SAXO1: variants seen among roughly 807,000 people sequenced by gnomAD.
The protein encoded by SAXO1 is stabilizer of axonemal microtubules 1.
Under a neutral mutation model 17.5 loss-of-function variants are expected in SAXO1, and 21 were observed. The observed-to-expected ratio is 1.20, with a 90% CI of 0.85 to 1.72. The LOEUF is 1.72. Ranked by LOEUF, SAXO1 falls within the 40% of genes most tolerant of loss-of-function variation. The pLI, the probability that SAXO1 is intolerant of heterozygous loss-of-function variation, is 0.00. For missense variants in SAXO1, 843 were observed against 596.0 expected, an observed-to-expected ratio of 1.41 and a Z score of -4.32; for synonymous variants, 274 against 216.5, an observed-to-expected ratio of 1.27 and a Z score of -2.33.
chr9:18,985,737 A>T (rs1467628232), intron 1 of SAXO1, among the ~76,000 whole-genome samples: 1 of 152,228 alleles, frequency 6.6e-6, no homozygotes, highest in Non-Finnish European at 1.5e-5. Context: ...TCCAAAGGCT[A>T]ATGAGAACAA....
chr9:18,968,481 G>A (rs1266064202), intron 1 of SAXO1, among the ~76,000 whole-genome samples: 2 of 152,086 alleles, frequency 1.3e-5, no homozygotes, highest in African/African-American at 4.8e-5. Context: ...TACACTTGAA[G>A]TTTTTCAAAA....
At position 18,935,808 on chromosome 9, in the gene SAXO1, T is replaced by G. The variant is rs183890433; in HGVS notation, c.421+5829A>C. 5.3e-5 allele frequency among the ~76,000 whole-genome samples: 8 copies of G among 152,266 alleles called. No homozygotes were observed. In the East Asian group the frequency reaches 1.5e-3, roughly 29 times the overall value. On this transcript the variant is annotated intron_variant, in intron 3 of 3. Coordinates refer to ENST00000380534, the MANE Select transcript of SAXO1 (RefSeq NM_153707.4). ...CCATTAAGCTCACTATTGTTTTTAT[T>G]GAAACTCCTGGGGATGCACTCTATT... is the stretch of plus-strand genomic sequence containing the variant.
At chr9:19,031,695 G>C (rs1253081474) in intron 1 of SAXO1, among the ~76,000 whole-genome samples, 1 of 152,230 alleles carries the variant, frequency 6.6e-6, no homozygotes, top group African/African-American at 2.4e-5. Context: ...ATCTAGTTCA[G>C]TGAGTCCCAG....
intron 2 of SAXO1, among the ~76,000 whole-genome samples, chr9:18,945,028 G>C (rs977426283): frequency 2.6e-5 from 4 of 151,946 alleles, no homozygotes; most frequent in African/African-American, 9.7e-5. Flanking sequence ...CATCTCCTAG[G>C]CCATGCTTTT....
chr9:18,997,129 G>C (rs1173886150), intron 1 of SAXO1, among the ~76,000 whole-genome samples: 2 of 152,226 alleles, frequency 1.3e-5, no homozygotes, highest in Admixed American at 6.5e-5. Flanking sequence ...ATGAGCCAAA[G>C]CAGGGCAGGG....
chr9:18,954,248 G>C (rs991199839), intron 1 of SAXO1, among the ~76,000 whole-genome samples: 1 of 152,106 alleles, frequency 6.6e-6, no homozygotes, highest in African/African-American at 2.4e-5. Flanking sequence ...CCTTATGATG[G>C]ATCTCAGAAA....
chr9:19,024,676 C>T (rs1414677764), intron 1 of SAXO1, among the ~76,000 whole-genome samples: 2 of 152,126 alleles, frequency 1.3e-5, no homozygotes, highest in Non-Finnish European at 2.9e-5. Context: ...CTCATCACTT[C>T]TCCATCCTAA....
At chr9:18,970,766 T>C (rs1047657432) in intron 1 of SAXO1, among the ~76,000 whole-genome samples, 1 of 152,196 alleles carries the variant, frequency 6.6e-6, no homozygotes, top group African/African-American at 2.4e-5. Flanking sequence ...ACAAGTATGC[T>C]TTTTATGACA....
intron 1 of SAXO1, among the ~76,000 whole-genome samples, chr9:19,042,283 T>C (rs1462612629): frequency 6.6e-6 from 1 of 152,154 alleles, no homozygotes; most frequent in Non-Finnish European, 1.5e-5. Context: ...ATCCAAATGA[T>C]GGGCAATAAC....
intron 1 of SAXO1, among the ~76,000 whole-genome samples, chr9:18,995,373 C>G (rs1012823479): frequency 6.6e-6 from 1 of 152,154 alleles, no homozygotes; most frequent in Non-Finnish European, 1.5e-5. Flanking sequence ...TTAGGTCAGC[C>G]TCCTAATTTT....
chr9:19,024,210 G>A (rs969942716), intron 1 of SAXO1, among the ~76,000 whole-genome samples: 6 of 151,850 alleles, frequency 4.0e-5, no homozygotes, highest in East Asian at 1.9e-4. Flanking sequence ...CAGACATGAT[G>A]TCTTCCGTGT....
At chr9:18,951,207 G>A (rs1029270003) in intron 1 of SAXO1, among the ~76,000 whole-genome samples, 3 of 152,130 alleles carry the variant, frequency 2.0e-5, no homozygotes, top group African/African-American at 7.2e-5. Context: ...TGTGTAAGCA[G>A]GGAAATATTT....
intron 1 of SAXO1, among the ~76,000 whole-genome samples, chr9:19,025,031 T>A (rs890251475): frequency 2.0e-5 from 3 of 152,198 alleles, no homozygotes; most frequent in African/African-American, 2.4e-5. Flanking sequence ...ATTTGACATA[T>A]ACCCACTTGT....
chr9:18,935,199 C>T (rs1359920108), intron 3 of SAXO1, among the ~76,000 whole-genome samples: 4 of 152,162 alleles, frequency 2.6e-5, no homozygotes, highest in South Asian at 2.1e-4. Context: ...TAGACGTGAG[C>T]CACCTTGCCT....
At chr9:18,970,709 T>C (rs1319374734) in intron 1 of SAXO1, among the ~76,000 whole-genome samples, 1 of 152,138 alleles carries the variant, frequency 6.6e-6, no homozygotes, top group Non-Finnish European at 1.5e-5. Context: ...TTGCATTTCA[T>C]CTCCTTCAAG....
intron 1 of SAXO1, among the ~76,000 whole-genome samples, chr9:18,981,251 A>AC (rs377638772): frequency 6.6e-6 from 1 of 152,012 alleles, no homozygotes; most frequent in Non-Finnish European, 1.5e-5. Flanking sequence ...GCCCCTACCC[A>AC]CCCCCACTCT....
At chr9:19,044,706 C>CA (rs1214458784) in intron 1 of SAXO1, among the ~76,000 whole-genome samples, 3 of 151,240 alleles carry the variant, frequency 2.0e-5, no homozygotes, top group South Asian at 2.1e-4. Flanking sequence ...ACTAAAAATA[C>CA]AAAAAAATTA....
intron 1 of SAXO1, among the ~76,000 whole-genome samples, chr9:19,023,841 G>A (rs532560560): frequency 3.8e-4 from 57 of 150,560 alleles, no homozygotes; most frequent in African/African-American, 1.4e-3. Context: ...GGGAGGAAAG[G>A]AACGAAGGAA....
At chr9:18,947,590 G>C (rs1219208985) in intron 2 of SAXO1, 3 of 152,176 alleles carry the variant, frequency 2.0e-5, no homozygotes, top group Non-Finnish European at 4.4e-5. Flanking sequence ...TAGCGAGCTG[G>C]TTTAGCTAAC....
Sources: gnomAD v4.1 joint callset for allele counts (sites outside exome capture counted in the v4.1 genomes callset) on GRCh38, gnomAD v4.1.1 for gene constraint, MANE v1.5 for transcripts, NCBI Gene and HGNC (gene_info 2026-07-23, HGNC 2026-07-21) for gene names.